Variants in ATF3 observed in about 807,000 individuals in gnomAD.
ATF3 encodes activating transcription factor 3, also known as cyclic AMP-dependent transcription factor ATF-3.
Under a neutral mutation model 18.4 loss-of-function variants are expected in ATF3, and 10 were observed. The observed-to-expected ratio is 0.54, with a 90% confidence interval of 0.34 to 0.92. The LOEUF is 0.92. Ranked by LOEUF, ATF3 falls within the 40% of genes least tolerant of loss-of-function variation. The pLI is 0.02. For missense variants in ATF3, 183 were observed against 222.3 expected, an observed-to-expected ratio of 0.82 and a Z score of 1.12; for synonymous variants, 78 against 87.9, an observed-to-expected ratio of 0.89 and a Z score of 0.63.
intron 1 of ATF3, among the ~76,000 whole-genome samples, chr1:212,592,148 C>T (rs142566957): frequency 1.5e-4 from 22 of 148,036 alleles, no homozygotes; most frequent in African/African-American, 5.4e-4. Flanking sequence ...TAAACAATAA[C>T]TCCTCATTTC....
Position 212,617,025 on chromosome 1 carries a change from G to A in ATF3, c.241-1102G>A, listed in dbSNP as rs73077765. ...AGTTCAGAGGACAGTCTGGGCTAGAGATAATAGAGTTGGAAATTATCGGCA... is the reference window on the plus strand; with the variant it reads ...AGTTCAGAGGACAGTCTGGGCTAGAAATAATAGAGTTGGAAATTATCGGCA... On this transcript the variant is annotated intron_variant, in intron 2 of 3. Transcript: ENST00000341491. Among the ~76,000 whole-genome samples the A allele has an allele frequency of 7.7e-3, 1,172 of 152,258 alleles. 10 individuals are homozygous for A. Among genetic ancestry groups the A allele is most frequent in the African/African-American group, 0.027 (1,103 of 41,538 alleles).
intron 1 of ATF3, among the ~76,000 whole-genome samples, chr1:212,613,274 C>T (rs144667510): frequency 1.8e-4 from 28 of 152,250 alleles, no homozygotes; most frequent in African/African-American, 6.5e-4. Context: ...CATTTCCAGG[C>T]CTCCCACCTA....
intron 1 of ATF3, among the ~76,000 whole-genome samples, chr1:212,578,499 C>G (rs1281829438): frequency 1.3e-5 from 2 of 152,336 alleles, no homozygotes; most frequent in African/African-American, 4.8e-5. Flanking sequence ...TTCCACTTCA[C>G]TAATGCCTTC....
chr1:212,604,489 G>A (rs2102643718), upstream of ATF3, among the ~76,000 whole-genome samples: 1 of 152,326 alleles, frequency 6.6e-6, no homozygotes, highest in South Asian at 2.1e-4. Flanking sequence ...CTCTCACAAG[G>A]CACCTAGTCC....
chr1:212,612,053 C>A (rs1259887242), intron 1 of ATF3, among the ~76,000 whole-genome samples: 1 of 152,154 alleles, frequency 6.6e-6, no homozygotes. Context: ...TGAATCATAC[C>A]TCGAGAGACT....
intron 1 of ATF3, chr1:212,614,268 G>A (rs1171741465): frequency 2.0e-5 from 3 of 152,434 alleles, no homozygotes; most frequent in Non-Finnish European, 4.4e-5. Context: ...TATACCACAG[G>A]CCTGAACAAC....
At chr1:212,595,608 G>A (rs998529579) in intron 1 of ATF3, among the ~76,000 whole-genome samples, 3 of 152,094 alleles carry the variant, frequency 2.0e-5, no homozygotes, top group African/African-American at 7.3e-5. Context: ...GAATTGGGAT[G>A]GATAGATGCT....
At chr1:212,589,193 C>T (rs1365995799) in intron 1 of ATF3, among the ~76,000 whole-genome samples, 2 of 152,136 alleles carry the variant, frequency 1.3e-5, no homozygotes, top group African/African-American at 2.4e-5. Context: ...TTGACACAGT[C>T]ATAATAATGC....
upstream of ATF3, among the ~76,000 whole-genome samples, chr1:212,604,143 A>C (rs1390794058): frequency 1.3e-5 from 2 of 152,190 alleles, no homozygotes; most frequent in African/African-American, 4.8e-5. Flanking sequence ...ATCTCATTTG[A>C]TTCTTACAAC....
At chr1:212,599,713 C>G (rs1654428398) in intron 1 of ATF3, among the ~76,000 whole-genome samples, 1 of 152,192 alleles carries the variant, frequency 6.6e-6, no homozygotes, top group Non-Finnish European at 1.5e-5. Flanking sequence ...CCTACAATAC[C>G]CAATCAGTTC....
intron 1 of ATF3, among the ~76,000 whole-genome samples, chr1:212,602,160 G>A (rs1654499546): frequency 6.6e-6 from 1 of 152,158 alleles, no homozygotes; most frequent in Non-Finnish European, 1.5e-5. Context: ...TCTGACCACA[G>A]GTTCTTTCTG....
intron 2 of ATF3, among the ~76,000 whole-genome samples, chr1:212,616,675 A>C (rs1655140509): frequency 6.6e-6 from 1 of 152,176 alleles, no homozygotes; most frequent in Non-Finnish European, 1.5e-5. Context: ...AGCTGAGTGC[A>C]CAGAAAGGAG....
intron 1 of ATF3, among the ~76,000 whole-genome samples, chr1:212,598,193 C>T (rs554104192): frequency 1.8e-4 from 28 of 152,300 alleles, no homozygotes; most frequent in South Asian, 1.0e-3. Context: ...CTTCCAACAA[C>T]TAAATACTTT....
intron 1 of ATF3, among the ~76,000 whole-genome samples, chr1:212,610,562 G>T (rs1654852867): frequency 6.6e-6 from 1 of 152,242 alleles, no homozygotes; most frequent in African/African-American, 2.4e-5. Context: ...CACGCCCGCA[G>T]TGGGGATAAG....
intron 1 of ATF3, among the ~76,000 whole-genome samples, chr1:212,591,082 A>G (rs1045746174): frequency 6.6e-6 from 1 of 152,180 alleles, no homozygotes; most frequent in Non-Finnish European, 1.5e-5. Context: ...TGTATCCTGT[A>G]CCAGGGACAT....
intron 2 of ATF3, among the ~76,000 whole-genome samples, chr1:212,616,420 C>T (rs1338898651): frequency 6.6e-6 from 1 of 152,220 alleles, no homozygotes. Context: ...CCTCAGTCTT[C>T]CAAATAGCTG....
rs1045060648 is a variant in ATF3, at chr1:212,614,923, G to A, written c.-4-95G>A. ...GGGCTTATGGGACTTTTCTCTGAGG[G>A]TGGGGCTCTGGTGTTGGAGGTCTGG... is the stretch of plus-strand genomic sequence containing the variant. On this transcript the variant is annotated intron_variant, in intron 1 of 3. Transcript: ENST00000341491. 9.3e-6 allele frequency: 15 copies of A among 1,607,970 alleles called. No homozygotes were observed. The African/African-American group carries it at 1.9e-4, about 20-fold the overall frequency.
At chr1:212,573,321 G>T (rs1257667427) in intron 1 of ATF3, among the ~76,000 whole-genome samples, 2 of 152,004 alleles carry the variant, frequency 1.3e-5, no homozygotes, top group Non-Finnish European at 2.9e-5. Context: ...GGGACCAGCT[G>T]TTGAATTCTA....
At chr1:212,606,407 T>C (rs557510116), upstream of ATF3, among the ~76,000 whole-genome samples, 2 of 152,312 alleles carry the variant, frequency 1.3e-5, no homozygotes, top group African/African-American at 2.4e-5. Flanking sequence ...TGAAGCAAGA[T>C]TGATAAAAAG....
Sources: allele counts gnomAD v4.1 joint callset (sites outside exome capture counted in the v4.1 genomes callset), GRCh38; gene constraint gnomAD v4.1.1; transcripts MANE v1.5; gene names NCBI Gene and HGNC (gene_info 2026-07-23, HGNC 2026-07-21).